UTP4: variants seen among roughly 807,000 people sequenced by gnomAD.
The protein encoded by UTP4 is UTP4 small subunit processome component.
Under a neutral mutation model 82.4 loss-of-function variants are expected in UTP4, and 45 were observed. The observed-to-expected ratio is 0.55, with a 90% confidence interval of 0.43 to 0.70. The LOEUF is 0.70. Ranked by LOEUF, UTP4 falls within the 30% of genes least tolerant of loss-of-function variation. UTP4 has a pLI of 0.00. For missense variants in UTP4, 819 were observed against 858.3 expected, an observed-to-expected ratio of 0.95 and a Z score of 0.57; for synonymous variants, 348 against 300.3, an observed-to-expected ratio of 1.16 and a Z score of -1.64.
At chr16:69,155,116 C>A (rs1375226102) in intron 10 of UTP4, among the ~76,000 whole-genome samples, 2 of 152,104 alleles carry the variant, frequency 1.3e-5, no homozygotes, top group African/African-American at 4.8e-5. Flanking sequence ...ATGTTACATT[C>A]AACTTTTCTT....
Position 69,165,336 on chromosome 16 carries a change from C to G in UTP4, c.1648-5C>G. 1 of 1,613,956 alleles carries G rather than the reference C, an allele frequency of 6.2e-7. No homozygotes were observed. Among genetic ancestry groups the G allele is most frequent in the Non-Finnish European group, 8.5e-7 (1 of 1,179,908 alleles). ...TGCATTTCTCTATGTCATGTCCTCCCTCAGGTATTTGAGTACAGCATCCCA... is the reference window on the plus strand; with the variant it reads ...TGCATTTCTCTATGTCATGTCCTCCGTCAGGTATTTGAGTACAGCATCCCA... On this transcript the variant is annotated splice_polypyrimidine_tract_variant and splice_region_variant and intron_variant, in intron 14 of 16. Coordinates refer to ENST00000314423, the MANE Select transcript of UTP4 (RefSeq NM_032830.3).
intron 11 of UTP4, among the ~76,000 whole-genome samples, chr16:69,156,718 A>G (rs111375768): frequency 1.4e-3 from 217 of 152,190 alleles, no homozygotes; most frequent in Non-Finnish European, 2.2e-3. Context: ...CAGCCTCCCA[A>G]AGTGCTGGGA....
intron 6 of UTP4, among the ~76,000 whole-genome samples, chr16:69,147,200 A>AATG (rs1963140975): frequency 6.9e-6 from 1 of 144,508 alleles, no homozygotes; most frequent in Non-Finnish European, 1.5e-5. Flanking sequence ...TAATAATAAT[A>AATG]ATAATAATAA....
At chr16:69,165,237 T>A in intron 14 of UTP4, 104 bp from the exon 15 acceptor site, 1 of 932,416 alleles carries the variant, frequency 1.1e-6, no homozygotes, top group Non-Finnish European at 1.7e-6. Context: ...ATGAATATAA[T>A]ACAGTTGAAG....
In UTP4 at chr16:69,157,112, C is replaced by T. The variant is rs370905042; in HGVS notation, c.1316C>T (p.Ser439Phe). 9.9e-6 allele frequency: 16 copies of T among 1,614,118 alleles called. No homozygotes were observed. Among genetic ancestry groups the T allele is most frequent in the Non-Finnish European group, 1.3e-5 (15 of 1,180,050 alleles). Residue 439 changes from serine to phenylalanine, a missense_variant, in exon 12 of 17, where the codon TCT becomes TTT. Physicochemically the swap from Ser to Phe is radical, Grantham distance 155. Transcript: ENST00000314423. The stretch of plus-strand genomic sequence containing the variant: ...TCCAAAATGCCAGCATTCCTTCGCT[C>T]TGCCCTTCAGATTTTGTTTTCTGAA... ...RVSKMPAFLR[S>F]ALQILFSEDS... is the part of the protein sequence containing the mutation.
intron 12 of UTP4, among the ~76,000 whole-genome samples, chr16:69,158,066 T>C (rs1000320556): frequency 2.0e-5 from 3 of 151,294 alleles, no homozygotes; most frequent in Non-Finnish European, 4.4e-5. Flanking sequence ...GTAGTTGTTT[T>C]GATACTTCCT....
chr16:69,160,522 C>A, intron 13 of UTP4, 60 bp downstream of exon 13: 1 of 1,217,144 alleles, frequency 8.2e-7, no homozygotes, highest in Non-Finnish European at 1.2e-6. Flanking sequence ...GTTCACCCTG[C>A]AGTTACAAGA....
At chr16:69,139,719 G>A in intron 4 of UTP4, 106 bp from the exon 5 acceptor site, 2 of 758,908 alleles carry the variant, frequency 2.6e-6, no homozygotes, top group South Asian at 2.8e-5. Context: ...AGATGAGAGA[G>A]CTAAGATTGT....
In UTP4 at chr16:69,165,889, T is replaced by TC. The variant is rs1369896919; in HGVS notation, c.1833+364dup. The TC allele has an allele frequency of 7.7e-6, 3 of 392,012 alleles. No individual in the cohort carries two copies. The Admixed American group carries it at 1.1e-4, about 15-fold the overall frequency. 24.3% of individuals were successfully genotyped at this position (392,012 alleles called of 1,614,324 possible). A position where few individuals can be genotyped will look rare whatever the true frequency, so the allele number is the denominator to read the frequency against. On this transcript the variant is annotated intron_variant, in intron 15 of 16. Coordinates refer to ENST00000314423, the MANE Select transcript of UTP4 (RefSeq NM_032830.3). ...TATCATTGATTTGGCTAACTTGCTT[T>TC]CAACTTTGAACTCTGGGGTATCTGA...
In UTP4 at chr16:69,143,271, G is replaced by C. The variant is rs1271882726; in HGVS notation, c.620G>C (p.Gly207Ala). 1 of 1,614,052 alleles carries C rather than the reference G, an allele frequency of 6.2e-7. No individual in the cohort carries two copies. Among genetic ancestry groups the C allele is most frequent in the Non-Finnish European group, 8.5e-7 (1 of 1,180,042 alleles). Residue 207 changes from glycine to alanine, a missense_variant, in exon 6 of 17, where the codon GGC becomes GCC. By Grantham distance (60) the Gly-to-Ala change is moderately conservative. Coordinates refer to ENST00000314423, the MANE Select transcript of UTP4 (RefSeq NM_032830.3). Reference sequence around the variant, plus strand: ...TGGGGTGTCGCCTTCTTGTCCGATGGCACTATCATAAGTGTGGACTCTGCT... The same window carrying C: ...TGGGGTGTCGCCTTCTTGTCCGATGCCACTATCATAAGTGTGGACTCTGCT... ...IVWGVAFLSD[G>A]TIISVDSAGK...
chr16:69,135,453 C>T (rs1962785982), intron 2 of UTP4, among the ~76,000 whole-genome samples: 2 of 152,056 alleles, frequency 1.3e-5, no homozygotes, highest in Non-Finnish European at 2.9e-5. Context: ...TGGCTCACAC[C>T]TGTAAACCCA....
intron 8 of UTP4, among the ~76,000 whole-genome samples, 174 bp from the exon 9 acceptor site, chr16:69,153,410 A>G (rs534998829): frequency 5.9e-5 from 9 of 152,300 alleles, no homozygotes; most frequent in African/African-American, 1.7e-4. Flanking sequence ...TTAATTCATC[A>G]TCGTCTTCAT....
At chr16:69,139,713 G>T in intron 4 of UTP4, 112 bp from the exon 5 acceptor site, 1 of 736,054 alleles carries the variant, frequency 1.4e-6, no homozygotes, top group South Asian at 1.4e-5. Context: ...TACTATAGAT[G>T]AGAGAGCTAA....
At position 69,155,857 on chromosome 16, in the gene UTP4, C is replaced by T. The variant is rs1963395420; in HGVS notation, c.1165-14C>T. 1.9e-6 allele frequency: 3 copies of T among 1,614,110 alleles called. No homozygotes were observed. Among genetic ancestry groups the T allele is most frequent in the Middle Eastern group, 1.6e-4 (1 of 6,062 alleles). ...GTTTAATTGCACATTCATCTTGATT[C>T]CTGATATTGCCAGGGTCCTGAGAAC... On this transcript the variant is annotated splice_polypyrimidine_tract_variant and intron_variant, in intron 10 of 16. Coordinates refer to ENST00000314423, the MANE Select transcript of UTP4 (RefSeq NM_032830.3).
chr16:69,137,768 AT>A (rs758138485), intron 3 of UTP4, 32 bp from the exon 4 acceptor site: 4 of 1,296,440 alleles, frequency 3.1e-6, no homozygotes, highest in Non-Finnish European at 4.5e-6. Context: ...TTTACTATTG[AT>A]TTTTTCTGTT....
chr16:69,135,634 T>TGAGCTCAGGGGTTG lies in UTP4; in HGVS notation c.160-1053_160-1052insGGTTGGAGCTCAGG, dbSNP rs1358220175. Among the ~76,000 whole-genome samples, 5 of 152,278 alleles carry TGAGCTCAGGGGTTG rather than the reference T, an allele frequency of 3.3e-5. No individual in the cohort carries two copies. The East Asian group carries it at 9.6e-4, about 29-fold the overall frequency. On this transcript the variant is annotated intron_variant, in intron 2 of 16. Transcript: ENST00000314423. ...GGAGGGTTGAGGCGGAAGGATCGCT[T>TGAGCTCAGGGGTTG]GAGCTCAGGAGGTTGAGGCTACATT...
intron 6 of UTP4, among the ~76,000 whole-genome samples, chr16:69,144,200 C>CTT (rs774169593): frequency 5.0e-5 from 7 of 140,652 alleles, no homozygotes; most frequent in Admixed American, 1.4e-4. Context: ...TTTTCTCTCT[C>CTT]TTTTTTTTTT....
chr16:69,136,646 G>A lies in UTP4; in HGVS notation c.160-50G>A, dbSNP rs769167151. 16 of 1,586,974 alleles carry A rather than the reference G, an allele frequency of 1.0e-5. No individual in the cohort carries two copies. In the Admixed American group the frequency reaches 1.5e-4, roughly 15 times the overall value. The stretch of plus-strand genomic sequence containing the variant: ...ATGTTGCCTGTGACCACTCAGTACC[G>A]GTACCTGATGAATTTGTGGTAATGT... On this transcript the variant is annotated intron_variant, in intron 2 of 16. Coordinates refer to ENST00000314423, the MANE Select transcript of UTP4 (RefSeq NM_032830.3).
Position 69,157,076 on chromosome 16 carries a change from A to G in UTP4, c.1288-8A>G. ...TCTCACTGGCTTTTATTATTGGTTC[A>G]CCCAAAGGTTTCCAAAATGCCAGCA... On this transcript the variant is annotated splice_region_variant and splice_polypyrimidine_tract_variant and intron_variant, in intron 11 of 16. Transcript: ENST00000314423. 6 of 1,614,126 alleles carry G rather than the reference A, an allele frequency of 3.7e-6. No individual in the cohort carries two copies. The highest frequency in any genetic ancestry group is 5.1e-6 in the Non-Finnish European group (6 of 1,180,012).
Sources: allele counts gnomAD v4.1 joint callset (sites outside exome capture counted in the v4.1 genomes callset), GRCh38; gene constraint gnomAD v4.1.1; transcripts MANE v1.5; gene names NCBI Gene and HGNC (gene_info 2026-07-23, HGNC 2026-07-21).